The following IMMP2L variants were observed in gnomAD, a reference collection of about 807,000 sequenced individuals.
IMMP2L encodes the protein mitochondrial inner membrane protease subunit 2.
Under a neutral mutation model 19.3 loss-of-function variants are expected in IMMP2L, and 18 were observed. The ratio of observed to expected loss-of-function variants is 0.93; its 90% confidence interval spans 0.64 to 1.38. The LOEUF is 1.38. IMMP2L is among the 40% of genes most tolerant of loss of function. The pLI, the probability that IMMP2L is intolerant of heterozygous loss-of-function variation, is 0.00. For synonymous variants in IMMP2L, 76 were observed against 73.0 expected (o/e 1.04, Z -0.21); for missense variants, 233 against 218.2 (o/e 1.07, Z -0.43).
chr7:111,392,015 C>T (rs1563136542), intron 3 of IMMP2L: 2 of 702,438 alleles, frequency 2.8e-6, no homozygotes, highest in Non-Finnish European at 2.6e-6. Flanking sequence ...AATGTCCTCT[C>T]CTACCTTTGT....
At chr7:110,932,836 A>G (rs1339740222) in intron 4 of IMMP2L, among the ~76,000 whole-genome samples, 2 of 152,218 alleles carry the variant, frequency 1.3e-5, no homozygotes, top group African/African-American at 4.8e-5. Flanking sequence ...AGATAATTGA[A>G]AGAATAGGGT....
At chr7:111,046,122 C>A (rs926099338) in intron 3 of IMMP2L, among the ~76,000 whole-genome samples, 3 of 151,598 alleles carry the variant, frequency 2.0e-5, no homozygotes, top group Non-Finnish European at 4.4e-5. Flanking sequence ...AAACATAATT[C>A]AAACAAATTA....
intron 3 of IMMP2L, chr7:111,099,856 C>G (rs1245274504): frequency 2.0e-5 from 3 of 151,154 alleles, no homozygotes; most frequent in Non-Finnish European, 3.0e-5. Flanking sequence ...GGTTTTTTTC[C>G]TGCTACTTCT....
At chr7:111,526,969 T>G (rs1846928981) in intron 1 of IMMP2L, among the ~76,000 whole-genome samples, 1 of 152,080 alleles carries the variant, frequency 6.6e-6, no homozygotes, top group African/African-American at 2.4e-5. Flanking sequence ...AAATTCACAT[T>G]TCCTGAATTG....
At chr7:111,508,197 A>C (rs1001330037) in intron 2 of IMMP2L, among the ~76,000 whole-genome samples, 34 of 152,154 alleles carry the variant, frequency 2.2e-4, no homozygotes, top group African/African-American at 8.2e-4. Flanking sequence ...AAAAAAATTC[A>C]CTGACAAAAA....
At chr7:110,751,455 T>C (rs1222368777) in intron 5 of IMMP2L, among the ~76,000 whole-genome samples, 1 of 151,920 alleles carries the variant, frequency 6.6e-6, no homozygotes, top group Non-Finnish European at 1.5e-5. Flanking sequence ...CAAGCAACTC[T>C]AAGAGGCCTT....
chr7:111,445,037 T>C (rs752425122), intron 3 of IMMP2L, among the ~76,000 whole-genome samples: 9 of 152,116 alleles, frequency 5.9e-5, no homozygotes, highest in Non-Finnish European at 1.3e-4. Flanking sequence ...GCTAGGCATA[T>C]AAATATATTT....
At chr7:111,215,112 T>C (rs1586868077) in intron 3 of IMMP2L, among the ~76,000 whole-genome samples, 2 of 152,272 alleles carry the variant, frequency 1.3e-5, no homozygotes, top group East Asian at 1.9e-4. Flanking sequence ...TATTTACCAT[T>C]GGTTAAAAGT....
At chr7:110,869,426 C>T (rs1441674346) in intron 5 of IMMP2L, among the ~76,000 whole-genome samples, 1 of 152,066 alleles carries the variant, frequency 6.6e-6, no homozygotes, top group African/African-American at 2.4e-5. Flanking sequence ...CCACTATATC[C>T]ACCTAATCAA....
intron 4 of IMMP2L, among the ~76,000 whole-genome samples, chr7:110,959,248 T>C (rs1432066067): frequency 6.6e-6 from 1 of 151,978 alleles, no homozygotes; most frequent in Non-Finnish European, 1.5e-5. Context: ...TAGTTTAGCT[T>C]ACCTAATAAT....
At position 111,551,911 on chromosome 7, in the gene IMMP2L, C is replaced by T. The variant is rs559790225; in HGVS notation, c.-3+9940G>A. Among the ~76,000 whole-genome samples the T allele has an allele frequency of 3.6e-4, 55 of 152,140 alleles. 2 individuals are homozygous for T. The South Asian group carries it at 0.011, about 32-fold the overall frequency. ...TAAAAAATATGGTAAGACTATAATC[C>T]AGGCAAGGTAGAGCAAGTACTAAAA... On this transcript the variant is annotated intron_variant, in intron 1 of 5. Coordinates refer to ENST00000405709, the MANE Select transcript of IMMP2L (RefSeq NM_032549.4).
chr7:111,539,198 GAAA>G (rs879699420), intron 1 of IMMP2L, among the ~76,000 whole-genome samples: 24,615 of 42,008 alleles, frequency 0.59, 6,963 homozygotes, highest in South Asian at 0.68. Context: ...GAAGGAGGGA[GAAA>G]GAAAGAAAGA....
At chr7:111,453,263 A>C (rs1053581183) in intron 3 of IMMP2L, among the ~76,000 whole-genome samples, 1 of 152,086 alleles carries the variant, frequency 6.6e-6, no homozygotes. Context: ...TTATTTAGGC[A>C]GTGTCTTCGC....
chr7:110,888,984 A>C (rs1177093601), intron 4 of IMMP2L, among the ~76,000 whole-genome samples: 1 of 152,234 alleles, frequency 6.6e-6, no homozygotes, highest in African/African-American at 2.4e-5. Context: ...GCAGAATAAT[A>C]GAGTGGGAAG....
intron 3 of IMMP2L, among the ~76,000 whole-genome samples, chr7:111,150,773 T>C (rs1803986129): frequency 6.6e-6 from 1 of 152,246 alleles, no homozygotes; most frequent in Non-Finnish European, 1.5e-5. Flanking sequence ...GCTATTCTTT[T>C]CTCAGAGAAA....
chr7:110,983,953 A>C (rs557781720), intron 3 of IMMP2L, among the ~76,000 whole-genome samples: 74 of 152,168 alleles, frequency 4.9e-4, no homozygotes, highest in African/African-American at 1.7e-3. Flanking sequence ...TGCCACATTT[A>C]TAGTCTATAG....
At chr7:111,254,741 T>G (rs1182247449) in intron 3 of IMMP2L, among the ~76,000 whole-genome samples, 1 of 152,114 alleles carries the variant, frequency 6.6e-6, no homozygotes, top group Admixed American at 6.6e-5. Context: ...AGAGTCGTCC[T>G]GCAGAACCCT....
At chr7:110,926,679 G>C (rs981885640) in intron 4 of IMMP2L, among the ~76,000 whole-genome samples, 3 of 151,994 alleles carry the variant, frequency 2.0e-5, no homozygotes, top group Admixed American at 6.6e-5. Flanking sequence ...TGGAATAAAG[G>C]CTTTTGCAAC....
chr7:111,470,421 C>T (rs1470067826), intron 3 of IMMP2L, among the ~76,000 whole-genome samples: 2 of 151,942 alleles, frequency 1.3e-5, no homozygotes, highest in African/African-American at 4.8e-5. Context: ...GACACATGCA[C>T]ACGTATGTTT....
Sources: allele counts gnomAD v4.1 joint callset (sites outside exome capture counted in the v4.1 genomes callset), GRCh38; gene constraint gnomAD v4.1.1; transcripts MANE v1.5; gene names NCBI Gene and HGNC (gene_info 2026-07-23, HGNC 2026-07-21).